PTPN20: variants seen among roughly 807,000 people sequenced by gnomAD.
PTPN20 encodes protein tyrosine phosphatase non-receptor type 20.
In PTPN20, 9 loss-of-function variants were observed where a neutral mutation model predicts 35.0. The observed-to-expected ratio is 0.26, with a 90% CI of 0.15 to 0.45. PTPN20 has a LOEUF of 0.45. PTPN20 is among the 20% of genes least tolerant of loss of function. PTPN20 has a pLI of 1.00. For synonymous variants in PTPN20, 32 were observed against 100.2 expected, an observed-to-expected ratio of 0.32 and a Z score of 4.06; for missense variants, 111 against 312.5, an observed-to-expected ratio of 0.36 and a Z score of 4.86.
At chr10:46,998,353 G>C (rs1197845740) in intron 9 of PTPN20, among the ~76,000 whole-genome samples, 2 of 152,082 alleles carry the variant, frequency 1.3e-5, no homozygotes, top group South Asian at 2.1e-4. Flanking sequence ...AGTTATTCTG[G>C]GTGGGAAAAA....
At chr10:46,957,487 G>A (rs1209664770) in intron 5 of PTPN20, among the ~76,000 whole-genome samples, 4 of 151,994 alleles carry the variant, frequency 2.6e-5, no homozygotes, top group African/African-American at 4.8e-5. Context: ...AGTAATCTCA[G>A]CACTTTGGGA....
At chr10:46,927,882 A>G (rs2038091432) in intron 1 of PTPN20, among the ~76,000 whole-genome samples, 2 of 151,474 alleles carry the variant, frequency 1.3e-5, no homozygotes, top group Non-Finnish European at 2.9e-5. Flanking sequence ...GGAGGGAAGA[A>G]AAGAAGTGTA....
At chr10:46,953,527 G>A (rs1555149178) in intron 5 of PTPN20, among the ~76,000 whole-genome samples, 2 of 141,006 alleles carry the variant, frequency 1.4e-5, no homozygotes, top group Admixed American at 6.9e-5. Flanking sequence ...TCATCATAAA[G>A]TATAATGTTC....
At chr10:46,954,832 T>C (rs2047971524) in intron 5 of PTPN20, among the ~76,000 whole-genome samples, 1 of 151,502 alleles carries the variant, frequency 6.6e-6, no homozygotes, top group Admixed American at 6.6e-5. Context: ...AGATTATTGA[T>C]ATATTTCTTT....
At chr10:46,998,851 G>A (rs2059605816) in intron 9 of PTPN20, among the ~76,000 whole-genome samples, 1 of 152,128 alleles carries the variant, frequency 6.6e-6, no homozygotes, top group Non-Finnish European at 1.5e-5. Context: ...GGCAGATATG[G>A]TGGCTGACGC....
chr10:46,992,815 C>A (rs1290925140), intron 9 of PTPN20, among the ~76,000 whole-genome samples: 1 of 152,162 alleles, frequency 6.6e-6, no homozygotes, highest in East Asian at 1.9e-4. Context: ...TGCCAAAGTT[C>A]TTGCATTAAA....
At chr10:46,923,550 C>A (rs1427841281) in intron 1 of PTPN20, among the ~76,000 whole-genome samples, 1 of 150,866 alleles carries the variant, frequency 6.6e-6, no homozygotes, top group African/African-American at 2.5e-5. Context: ...TATATGGATA[C>A]TGTATTCTGT....
chr10:46,919,251 A>C (rs1341858720), intron 1 of PTPN20, among the ~76,000 whole-genome samples: 1 of 152,190 alleles, frequency 6.6e-6, no homozygotes, highest in Non-Finnish European at 1.5e-5. Flanking sequence ...CTGACTTTTA[A>C]TTTGGATGGC....
At chr10:46,996,000 G>T (rs2059040542) in intron 9 of PTPN20, among the ~76,000 whole-genome samples, 1 of 152,194 alleles carries the variant, frequency 6.6e-6, no homozygotes, top group African/African-American at 2.4e-5. Context: ...TTGTAAAGAA[G>T]TGAAGCCAGC....
At chr10:46,992,202 A>T (rs1311468466) in intron 9 of PTPN20, among the ~76,000 whole-genome samples, 1 of 149,260 alleles carries the variant, frequency 6.7e-6, no homozygotes, top group Non-Finnish European at 1.5e-5. Context: ...AGCTCACTAC[A>T]TCCTCCACCT....
At chr10:46,949,336 C>T (rs1435673381) in intron 5 of PTPN20, among the ~76,000 whole-genome samples, 1 of 152,170 alleles carries the variant, frequency 6.6e-6, no homozygotes, top group Non-Finnish European at 1.5e-5. Context: ...GTCACACTGG[C>T]CCACATCCAG....
chr10:46,981,472 A>G (rs1276178374), intron 7 of PTPN20: 3 of 148,242 alleles, frequency 2.0e-5, no homozygotes, highest in Non-Finnish European at 4.5e-5. Context: ...GATGGGCACT[A>G]TTCCATGGGA....
Position 46,940,670 on chromosome 10 carries a change from A to G in PTPN20, c.82A>G (p.Arg28Gly). The G allele has an allele frequency of 6.2e-7, 1 of 1,611,312 alleles. No homozygotes were observed. Among genetic ancestry groups the G allele is most frequent in the Non-Finnish European group, 8.5e-7 (1 of 1,179,784 alleles). ...NDSEAEDLNFRETLPSSSQEN... is the reference protein window; with the variant it reads ...NDSEAEDLNFGETLPSSSQEN... ...CTCTGAAGCAGAAGACTTGAATTTC[A>G]GGGAGACTTTGCCTTCATCAAGTCA... is the stretch of plus-strand genomic sequence containing the variant. The change falls in exon 3 of 11, where the codon AGG (arginine) becomes GGG (glycine). Residue 28 changes from arginine (R) to glycine (G), a missense_variant. Physicochemically the swap from Arg to Gly is moderately radical, Grantham distance 125. Around this residue, in one of 5 missense-constraint regions of PTPN20, gnomAD observed 22 missense variants for 49.2 expected, o/e 0.45. Transcript: ENST00000374339.
intron 9 of PTPN20, among the ~76,000 whole-genome samples, chr10:46,993,937 T>C (rs1285622837): frequency 1.3e-5 from 2 of 152,212 alleles, no homozygotes; most frequent in African/African-American, 4.8e-5. Flanking sequence ...TTTTTGTATT[T>C]TTTTATTTTC....
At chr10:47,000,212 G>A (rs1349799530) in intron 10 of PTPN20, among the ~76,000 whole-genome samples, 1 of 152,172 alleles carries the variant, frequency 6.6e-6, no homozygotes, top group East Asian at 1.9e-4. Context: ...CAAGCCTGAA[G>A]TTGAGGTCTC....
chr10:46,993,769 C>T (rs1033215944), intron 9 of PTPN20, among the ~76,000 whole-genome samples: 43 of 152,136 alleles, frequency 2.8e-4, no homozygotes, highest in Admixed American at 1.4e-3. Context: ...GTAGCTATTA[C>T]GGCTTTTTAT....
chr10:46,957,614 C>T (rs1375810434), intron 5 of PTPN20, among the ~76,000 whole-genome samples: 1 of 151,620 alleles, frequency 6.6e-6, no homozygotes, highest in Non-Finnish European at 1.5e-5. Flanking sequence ...GCCTGTAATC[C>T]CAGCTACTTG....
rs1471392302 is a variant in PTPN20 at position 46,976,712 on chromosome 10, C to T, written c.584-7518C>T. On this transcript the variant is annotated intron_variant, in intron 7 of 10. Transcript: ENST00000374339. ...TCTTCCTTTAGTTGTAATTTCTACT[C>T]TTCAGTCTACTCTTGTCTTTTTTTT... 4.1e-5 allele frequency among the ~76,000 whole-genome samples: 6 copies of T among 144,722 alleles called. 2 individuals are homozygous for T. Among genetic ancestry groups the T allele is most frequent in the African/African-American group, 1.5e-4 (6 of 39,634 alleles). The allele number at this position is 144,722 out of a possible 152,430, so 94.9% of individuals were successfully genotyped here.
At chr10:46,945,249 G>A (rs1355995252) in intron 4 of PTPN20, among the ~76,000 whole-genome samples, 3 of 151,950 alleles carry the variant, frequency 2.0e-5, no homozygotes, top group African/African-American at 7.3e-5. Context: ...AAAATCAAAA[G>A]GATGCATACG....
Sources: gnomAD v4.1 joint callset for allele counts (sites outside exome capture counted in the v4.1 genomes callset) on GRCh38, gnomAD v4.1.1 for gene constraint, gnomAD v4.1.1 regional missense constraint, MANE v1.5 for transcripts, NCBI Gene and HGNC (gene_info 2026-07-23, HGNC 2026-07-21) for gene names.